The following CBL variants were observed in gnomAD, a reference collection of about 807,000 sequenced individuals.
The protein encoded by CBL is E3 ubiquitin-protein ligase CBL.
A neutral mutation model predicts 96.9 loss-of-function variants in CBL; 45 were observed. The observed-to-expected ratio is 0.46, with a 90% CI of 0.37 to 0.60. The LOEUF is 0.60. CBL is among the 20% of genes least tolerant of loss of function. The pLI, the probability that CBL is intolerant of heterozygous loss-of-function variation, is 0.00. For missense variants in CBL, 1,024 were observed against 1,143.5 expected (o/e 0.90, Z 1.51); for synonymous variants, 420 against 426.8 (o/e 0.98, Z 0.20).
At chr11:119,279,663 G>C (rs533610550) in intron 9 of CBL, among the ~76,000 whole-genome samples, 1 of 152,192 alleles carries the variant, frequency 6.6e-6, no homozygotes, top group East Asian at 1.9e-4. Flanking sequence ...TAAATAAATA[G>C]TAATTGTATA....
intron 2 of CBL, among the ~76,000 whole-genome samples, chr11:119,258,046 G>A (rs957314523): frequency 6.6e-6 from 1 of 152,010 alleles, no homozygotes; most frequent in African/African-American, 2.4e-5. Context: ...GGCCAAAATG[G>A]TGAAACCCCC....
intron 6 of CBL, among the ~76,000 whole-genome samples, chr11:119,277,114 G>A (rs145131401): frequency 1.2e-4 from 19 of 152,248 alleles, no homozygotes; most frequent in African/African-American, 4.1e-4. Flanking sequence ...GGACGTGGTG[G>A]TGGGTGCCTG....
chr11:119,207,203 G>C (rs543947585), intron 1 of CBL, among the ~76,000 whole-genome samples: 6 of 152,272 alleles, frequency 3.9e-5, no homozygotes, highest in African/African-American at 1.2e-4. Context: ...AGTGAGGCAA[G>C]GAAAGAACTT....
At chr11:119,286,966 A>G (rs982517294) in intron 11 of CBL, among the ~76,000 whole-genome samples, 4 of 152,324 alleles carry the variant, frequency 2.6e-5, no homozygotes, top group East Asian at 1.9e-4. Flanking sequence ...AGTGGGAGGT[A>G]TGTGAAGTTA....
intron 2 of CBL, among the ~76,000 whole-genome samples, chr11:119,260,975 T>C (rs368346239): frequency 2.5e-5 from 3 of 119,208 alleles, no homozygotes; most frequent in East Asian, 3.3e-4. Context: ...AGGCAAAGTC[T>C]CCAGGCTGGA....
chr11:119,295,892 A>G lies in CBL; in HGVS notation c.2037-1026A>G, dbSNP rs7117094. ...ATATGTCTGTCTTTTGATGTTTTCA[A>G]AGTAAATTGTAGATACCAATACACT... On this transcript the variant is annotated intron_variant, in intron 12 of 15. Coordinates refer to ENST00000264033, the MANE Select transcript of CBL (RefSeq NM_005188.4). Among the ~76,000 whole-genome samples the G allele has an allele frequency of 8.7e-3, 1,318 of 152,288 alleles. 20 individuals are homozygous for G. The highest frequency in any genetic ancestry group is 0.03 in the African/African-American group (1,255 of 41,556).
At chr11:119,241,980 G>A (rs531654469) in intron 2 of CBL, among the ~76,000 whole-genome samples, 8 of 152,302 alleles carry the variant, frequency 5.3e-5, no homozygotes, top group Middle Eastern at 3.4e-3. Context: ...CTTTTGAACA[G>A]GTGAAGGATG....
chr11:119,285,634 G>C, intron 11 of CBL, 68 bp downstream of exon 11: 1 of 1,556,990 alleles, frequency 6.4e-7, no homozygotes, highest in Non-Finnish European at 8.7e-7. Context: ...AGTGGCTCAT[G>C]TCTGTAATCC....
chr11:119,217,321 C>T (rs1041278162), intron 1 of CBL, among the ~76,000 whole-genome samples: 8 of 152,168 alleles, frequency 5.3e-5, no homozygotes, highest in African/African-American at 1.9e-4. Context: ...CCATGTTGAT[C>T]AGGTTGGTCT....
At chr11:119,259,704 C>G (rs1280047922) in intron 2 of CBL, among the ~76,000 whole-genome samples, 1 of 152,102 alleles carries the variant, frequency 6.6e-6, no homozygotes, top group Admixed American at 6.6e-5. Flanking sequence ...ATAAAAGATA[C>G]TGAGAAACAA....
At chr11:119,287,708 C>A (rs767098026) in intron 11 of CBL, 144 bp from the exon 12 acceptor site, 4 of 692,464 alleles carry the variant, frequency 5.8e-6, no homozygotes, top group South Asian at 1.6e-5. Flanking sequence ...GGCCCCTAAG[C>A]GTTTGGTCAG....
chr11:119,302,872 TC>T lies in CBL; in HGVS notation c.*3097del. On this transcript the variant is annotated 3_prime_UTR_variant, in exon 16 of 16. Transcript: ENST00000264033. Reference sequence around the variant, plus strand: ...GGCCGTTCTCTTCCACTTGCTCGTCTCCCCCCAGCCCCATTCTGCATAATCT... The same window carrying T: ...GGCCGTTCTCTTCCACTTGCTCGTCTCCCCCAGCCCCATTCTGCATAATCT... The T allele has an allele frequency of 1.3e-5, 3 of 230,716 alleles. No individual in the cohort carries two copies. Among genetic ancestry groups the T allele is most frequent in the Non-Finnish European group, 1.7e-5 (2 of 116,520 alleles). 14.3% of individuals were successfully genotyped at this position (230,716 alleles called of 1,614,324 possible).
At chr11:119,238,085 T>C (rs549320207) in intron 2 of CBL, among the ~76,000 whole-genome samples, 2 of 152,126 alleles carry the variant, frequency 1.3e-5, no homozygotes, top group Admixed American at 1.3e-4. Context: ...TTGGTCAGGC[T>C]GGTCTTGAAC....
Position 119,275,999 on chromosome 11 carries a change from A to G in CBL, c.872A>G (p.Tyr291Cys). Residue 291 changes from tyrosine (Y) to cysteine (C), a missense_variant and splice_region_variant, in exon 6 of 16, where the codon TAT (tyrosine) becomes TGT (cysteine). By Grantham distance (194) the Tyr-to-Cys change is radical (BLOSUM62 -2). Coordinates refer to ENST00000264033, the MANE Select transcript of CBL (RefSeq NM_005188.4). ...LQKFIHKPGS[Y>C]IFRLSCTRLG... ...CTTCTGTTTATGTCTGTTCATAGTT[A>G]TATCTTCCGGCTGAGCTGTACTCGT... The G allele has an allele frequency of 6.2e-7, 1 of 1,614,102 alleles. No homozygotes were observed. Among genetic ancestry groups the G allele is most frequent in the Non-Finnish European group, 8.5e-7 (1 of 1,179,954 alleles).
chr11:119,262,102 T>A (rs952265399), intron 2 of CBL, among the ~76,000 whole-genome samples: 4 of 152,228 alleles, frequency 2.6e-5, no homozygotes, highest in Non-Finnish European at 5.9e-5. Flanking sequence ...GTAGATATTA[T>A]GACTTGATGT....
intron 2 of CBL, among the ~76,000 whole-genome samples, chr11:119,256,550 A>T (rs949535032): frequency 4.0e-5 from 6 of 151,296 alleles, no homozygotes; most frequent in Non-Finnish European, 8.8e-5. Context: ...TTTTTTTTAG[A>T]TTTTTCTTTT....
chr11:119,275,092 C>T (rs940612874), intron 5 of CBL, 139 bp downstream of exon 5: 11 of 848,706 alleles, frequency 1.3e-5, no homozygotes, highest in African/African-American at 3.4e-5. Context: ...GTTTATCAGA[C>T]GTATTGACTT....
At chr11:119,237,480 T>C (rs1039987366) in intron 2 of CBL, among the ~76,000 whole-genome samples, 3 of 152,236 alleles carry the variant, frequency 2.0e-5, no homozygotes, top group African/African-American at 4.8e-5. Flanking sequence ...TTCAAGGTCA[T>C]GAGGCCTGTT....
At chr11:119,284,433 AT>A (rs1179245708) in intron 9 of CBL, among the ~76,000 whole-genome samples, 1 of 151,786 alleles carries the variant, frequency 6.6e-6, no homozygotes, top group Non-Finnish European at 1.5e-5. Flanking sequence ...AGCCTCCCAA[AT>A]AGCTGTGTGC....
Sources: allele counts gnomAD v4.1 joint callset (sites outside exome capture counted in the v4.1 genomes callset), GRCh38; gene constraint gnomAD v4.1.1; transcripts MANE v1.5; gene names NCBI Gene and HGNC (gene_info 2026-07-23, HGNC 2026-07-21).